Variants in PTPRM observed in about 807,000 individuals in gnomAD.
The protein encoded by PTPRM is protein tyrosine phosphatase receptor type M, also known as receptor-type tyrosine-protein phosphatase mu.
Under a neutral mutation model 186.7 loss-of-function variants are expected in PTPRM, and 47 were observed. That is an observed-to-expected ratio of 0.25 (90% CI 0.20 to 0.32). The LOEUF is 0.32. PTPRM is among the 10% of genes least tolerant of loss of function. The pLI is 1.00. For synonymous variants in PTPRM, 668 were observed against 674.9 expected (o/e 0.99, Z 0.16); for missense variants, 1,494 against 1,865.0 (o/e 0.80, Z 3.66).
intron 5 of PTPRM, among the ~76,000 whole-genome samples, chr18:7,932,438 G>T (rs1161173509): frequency 6.6e-6 from 1 of 152,104 alleles, no homozygotes; most frequent in Admixed American, 6.5e-5. Context: ...TAGTGCAGCT[G>T]TATATCCTGT....
intron 14 of PTPRM, among the ~76,000 whole-genome samples, chr18:8,236,816 A>T (rs1342134609): frequency 6.6e-6 from 1 of 152,222 alleles, no homozygotes; most frequent in East Asian, 1.9e-4. Flanking sequence ...TGCTGAGATT[A>T]TAGGTGTGAG....
chr18:7,735,439 A>AAG, intron 1 of PTPRM, among the ~76,000 whole-genome samples: 1 of 151,166 alleles, frequency 6.6e-6, no homozygotes, highest in South Asian at 2.1e-4. Context: ...AAGCAAGCAA[A>AAG]CAAACAAACA....
chr18:8,022,546 G>A (rs2085299744), intron 7 of PTPRM, among the ~76,000 whole-genome samples: 5 of 152,122 alleles, frequency 3.3e-5, no homozygotes, highest in African/African-American at 1.2e-4. Flanking sequence ...AGATCACTCA[G>A]ACACAGTCAC....
intron 13 of PTPRM, among the ~76,000 whole-genome samples, chr18:8,135,915 G>A (rs1404448163): frequency 6.6e-6 from 1 of 152,210 alleles, no homozygotes; most frequent in East Asian, 1.9e-4. Flanking sequence ...GATGGTGAAT[G>A]ACAAATTTCA....
intron 25 of PTPRM, 65 bp from the exon 26 acceptor site, chr18:8,376,397 T>A: frequency 6.2e-7 from 1 of 1,607,710 alleles, no homozygotes; most frequent in Non-Finnish European, 8.5e-7. Flanking sequence ...CGATAAAAAA[T>A]TTAAAAAGCA....
At chr18:8,311,490 T>C (rs1443947896) in intron 20 of PTPRM, among the ~76,000 whole-genome samples, 1 of 152,122 alleles carries the variant, frequency 6.6e-6, no homozygotes, top group Non-Finnish European at 1.5e-5. Flanking sequence ...GTGCTGTGAA[T>C]GGAGTCTTTT....
At chr18:7,754,272 C>CTTG (rs2144661218) in intron 1 of PTPRM, among the ~76,000 whole-genome samples, 1 of 152,316 alleles carries the variant, frequency 6.6e-6, no homozygotes, top group East Asian at 1.9e-4. Flanking sequence ...TCTGCTGGAT[C>CTTG]TTGTACTAAG....
chr18:8,133,213 A>G (rs577170323), intron 13 of PTPRM, among the ~76,000 whole-genome samples: 231 of 152,230 alleles, frequency 1.5e-3, no homozygotes, highest in African/African-American at 5.1e-3. Context: ...GACTCTTACA[A>G]TGGCAACTAA....
At chr18:8,378,747 A>G (rs3786368) in intron 27 of PTPRM, among the ~76,000 whole-genome samples, 47,555 of 152,074 alleles carry the variant, frequency 0.31, 8,382 homozygotes, top group East Asian at 0.5. Flanking sequence ...CAGCATAACC[A>G]TGGCACAGTT....
At chr18:7,900,117 T>C (rs542778934) in intron 3 of PTPRM, among the ~76,000 whole-genome samples, 1 of 152,316 alleles carries the variant, frequency 6.6e-6, no homozygotes, top group South Asian at 2.1e-4. Flanking sequence ...AAGTTTTCTC[T>C]AAAAACAGGA....
At chr18:7,947,014 T>C (rs1394766867) in intron 5 of PTPRM, 4 of 455,974 alleles carry the variant, frequency 8.8e-6, no homozygotes, top group African/African-American at 4.0e-5. Flanking sequence ...ATGGGAGGCC[T>C]TGTGGTTTTC....
chr18:7,851,768 G>T (rs1466588954), intron 2 of PTPRM, among the ~76,000 whole-genome samples: 31 of 152,140 alleles, frequency 2.0e-4, no homozygotes, highest in Admixed American at 2.0e-3. Context: ...AAGGAGCGGT[G>T]GCAAGGAGTA....
In PTPRM at chr18:7,949,363, A is replaced by C. The variant is rs2052778825; in HGVS notation, c.838+8A>C. The C allele has an allele frequency of 4.4e-6, 7 of 1,601,258 alleles. No homozygotes were observed. The highest frequency in any genetic ancestry group is 6.0e-6 in the Non-Finnish European group (7 of 1,170,236). On this transcript the variant is annotated splice_region_variant and intron_variant, in intron 6 of 32. Coordinates refer to ENST00000580170, the MANE Select transcript of PTPRM (RefSeq NM_001105244.2). The stretch of plus-strand genomic sequence containing the variant: ...CAGAGTTGGTAGTTAAAGGTATTTA[A>C]TGTGTTTTTATACCAGAATATTCTT...
At chr18:8,197,599 G>A (rs796146566) in intron 14 of PTPRM, among the ~76,000 whole-genome samples, 11 of 152,238 alleles carry the variant, frequency 7.2e-5, no homozygotes, top group African/African-American at 2.6e-4. Flanking sequence ...TTTATAATCT[G>A]CATTATGTTT....
chr18:7,852,313 A>C (rs1484967670), intron 2 of PTPRM, among the ~76,000 whole-genome samples: 1 of 152,206 alleles, frequency 6.6e-6, no homozygotes, highest in African/African-American at 2.4e-5. Context: ...ATGGTAGCTC[A>C]TACTTGTAAT....
intron 9 of PTPRM, among the ~76,000 whole-genome samples, chr18:8,082,365 G>C (rs1342110096): frequency 6.6e-6 from 1 of 152,082 alleles, no homozygotes; most frequent in Non-Finnish European, 1.5e-5. Context: ...TCTAGTGATT[G>C]TTAGGCCAGG....
chr18:8,033,712 G>A (rs575104595), intron 7 of PTPRM, among the ~76,000 whole-genome samples: 7 of 152,308 alleles, frequency 4.6e-5, no homozygotes, highest in African/African-American at 9.6e-5. Flanking sequence ...ATTTGTTAAC[G>A]TCTATCAAAC....
chr18:7,826,938 A>T (rs944756702), intron 2 of PTPRM, among the ~76,000 whole-genome samples: 30 of 151,744 alleles, frequency 2.0e-4, no homozygotes, highest in African/African-American at 6.8e-4. Context: ...TACAGAAATT[A>T]AAAAAATAAA....
intron 2 of PTPRM, among the ~76,000 whole-genome samples, chr18:7,802,330 A>C (rs972867770): frequency 6.6e-6 from 1 of 152,004 alleles, no homozygotes; most frequent in Non-Finnish European, 1.5e-5. Context: ...TGTTTTATTT[A>C]TTTCACCCAG....
Sources: allele counts gnomAD v4.1 joint callset (sites outside exome capture counted in the v4.1 genomes callset), GRCh38; gene constraint gnomAD v4.1.1; transcripts MANE v1.5; gene names NCBI Gene and HGNC (gene_info 2026-07-23, HGNC 2026-07-21).